Variants in SLIT3 observed in about 807,000 individuals in gnomAD.
SLIT3 encodes slit guidance ligand 3.
SLIT3 carries 68 observed loss-of-function variants against 184.0 expected under a neutral mutation model. That is an observed-to-expected ratio of 0.37 (90% CI 0.30 to 0.45). The LOEUF is 0.45. Among genes scored for constraint, SLIT3 ranks in the 20% least tolerant of loss-of-function variants. SLIT3 has a pLI of 1.00. For synonymous variants in SLIT3, 831 were observed against 828.6 expected, an observed-to-expected ratio of 1.00 and a Z score of -0.05; for missense variants, 1,707 against 2,026.0, an observed-to-expected ratio of 0.84 and a Z score of 3.02.
At chr5:168,930,845 C>A (rs757840440) in intron 4 of SLIT3, among the ~76,000 whole-genome samples, 1 of 151,982 alleles carries the variant, frequency 6.6e-6, no homozygotes, top group Non-Finnish European at 1.5e-5. Context: ...AGTCCCTTGG[C>A]CACTTTCTTG....
chr5:169,197,560 A>T (rs888998670), intron 3 of SLIT3, among the ~76,000 whole-genome samples: 7 of 152,162 alleles, frequency 4.6e-5, no homozygotes, highest in African/African-American at 1.7e-4. Context: ...TGGTACACTC[A>T]TGCCATCTGC....
At position 169,300,075 on chromosome 5, in the gene SLIT3, C is replaced by A. The variant is rs1259338498; in HGVS notation, c.197+438G>T. Among the ~76,000 whole-genome samples, 1 of 152,244 alleles carries A rather than the reference C, an allele frequency of 6.6e-6. No homozygotes were observed. Among genetic ancestry groups the A allele is most frequent in the African/African-American group, 2.4e-5 (1 of 41,472 alleles). ...GGCCCATTCTGATCTCCAAGCAGGT[C>A]AACAGTCTCGGGCCCTCTCTCCCGC... On this transcript the variant is annotated intron_variant, in intron 1 of 35. Transcript: ENST00000519560. The surrounding 1 kb of genome is among the most constrained non-coding windows in gnomAD (Gnocchi z 4.1).
intron 4 of SLIT3, among the ~76,000 whole-genome samples, chr5:169,168,595 G>T (rs2113411026): frequency 6.6e-6 from 1 of 152,324 alleles, no homozygotes; most frequent in South Asian, 2.1e-4. Flanking sequence ...AAATCAAAAA[G>T]TAGTAGGAGT....
chr5:168,691,752 G>A (rs1488434995), intron 29 of SLIT3, among the ~76,000 whole-genome samples: 2 of 152,204 alleles, frequency 1.3e-5, no homozygotes, highest in Non-Finnish European at 2.9e-5. Context: ...AGAAGAAGGA[G>A]GCAGCTGGGT....
intron 4 of SLIT3, among the ~76,000 whole-genome samples, chr5:169,127,373 G>A (rs999411048): frequency 2.0e-5 from 3 of 152,180 alleles, no homozygotes; most frequent in African/African-American, 7.2e-5. Flanking sequence ...CTAGGCCCAT[G>A]AGGCTCCACA....
At chr5:169,203,872 G>A (rs1272389560) in intron 3 of SLIT3, among the ~76,000 whole-genome samples, 1 of 152,052 alleles carries the variant, frequency 6.6e-6, no homozygotes, top group Admixed American at 6.5e-5. Context: ...GGTAGAGCAG[G>A]GGGTTGGGGG....
At chr5:168,954,012 AT>A (rs1762742897) in intron 4 of SLIT3, among the ~76,000 whole-genome samples, 1 of 149,590 alleles carries the variant, frequency 6.7e-6, no homozygotes, top group Non-Finnish European at 1.5e-5. Context: ...GAACTGAGAC[AT>A]TTTACTTCAA....
At chr5:169,048,315 A>T (rs1757694843) in intron 4 of SLIT3, among the ~76,000 whole-genome samples, 1 of 152,212 alleles carries the variant, frequency 6.6e-6, no homozygotes, top group Non-Finnish European at 1.5e-5. Flanking sequence ...CAGTGGGATG[A>T]GGTGTAAAAC....
chr5:168,940,193 C>T (rs1762287281), intron 4 of SLIT3, among the ~76,000 whole-genome samples: 1 of 152,202 alleles, frequency 6.6e-6, no homozygotes. Flanking sequence ...AACAGGTTTG[C>T]TCTGTTCAAG....
chr5:168,976,894 G>A (rs918852528), intron 4 of SLIT3, among the ~76,000 whole-genome samples: 5 of 152,178 alleles, frequency 3.3e-5, no homozygotes, highest in Non-Finnish European at 7.3e-5. Flanking sequence ...AGGCTAAAAG[G>A]ACCCGTTTCC....
chr5:168,966,078 A>C (rs1763179891), intron 4 of SLIT3, among the ~76,000 whole-genome samples: 1 of 152,218 alleles, frequency 6.6e-6, no homozygotes, highest in South Asian at 2.1e-4. Flanking sequence ...TACGATTGTG[A>C]ATTTTATTAC....
chr5:169,017,367 G>C (rs1406561934), intron 4 of SLIT3, among the ~76,000 whole-genome samples: 1 of 152,162 alleles, frequency 6.6e-6, no homozygotes, highest in Non-Finnish European at 1.5e-5. Flanking sequence ...CTCACATCAG[G>C]CACTGAAGGT....
At position 168,664,772 on chromosome 5, in the gene SLIT3, T is replaced by C; in HGVS notation, c.*1682A>G. 1 of 152,126 alleles carries C rather than the reference T, an allele frequency of 6.6e-6. No individual in the cohort carries two copies. Among genetic ancestry groups the C allele is most frequent in the East Asian group, 1.9e-4 (1 of 5,168 alleles). 9.4% of individuals were successfully genotyped at this position (152,126 alleles called of 1,614,324 possible). ...GTGTGAACAGCTGAGCCCTGGAAGATATGTGGCTAACCTGATGGGGTGGAA... is the reference window on the plus strand; with the variant it reads ...GTGTGAACAGCTGAGCCCTGGAAGACATGTGGCTAACCTGATGGGGTGGAA... On this transcript the variant is annotated 3_prime_UTR_variant, in exon 36 of 36. Coordinates refer to ENST00000519560, the MANE Select transcript of SLIT3 (RefSeq NM_003062.4).
intron 4 of SLIT3, among the ~76,000 whole-genome samples, chr5:169,102,979 T>A (rs1180271232): frequency 6.6e-6 from 1 of 152,228 alleles, no homozygotes; most frequent in African/African-American, 2.4e-5. Context: ...TCAAACTGAA[T>A]CTTCGCTAAA....
chr5:168,774,446 C>T lies in SLIT3; in HGVS notation c.1152-68G>A, dbSNP rs530827328. 6.0e-6 allele frequency: 9 copies of T among 1,500,170 alleles called. No individual in the cohort carries two copies. The East Asian group carries it at 1.4e-4, about 23-fold the overall frequency. The allele number at this position is 1,500,170 out of a possible 1,614,324, so 92.9% of individuals were successfully genotyped here. ...ATTACCTGCGGGGCAAGGGTTGCAC[C>T]TGCAGGGGATGGGCTGCAAAGCTCC... On this transcript the variant is annotated intron_variant, in intron 12 of 35. Transcript: ENST00000519560.
In SLIT3 at chr5:168,695,824, C is replaced by T. The variant is rs573857922; in HGVS notation, c.3082+468G>A. On this transcript the variant is annotated intron_variant, in intron 28 of 35. Transcript: ENST00000519560. ...TTATGTTCTCTTTCTAATGAATCCA[C>T]GCCTCTGTCCACCTGACTATAAACT... Among the ~76,000 whole-genome samples, 49 of 152,246 alleles carry T rather than the reference C, an allele frequency of 3.2e-4. 1 individual carries two copies. The highest frequency in any genetic ancestry group is 7.8e-4 in the Admixed American group (12 of 15,290).
intron 4 of SLIT3, among the ~76,000 whole-genome samples, chr5:168,984,962 A>G (rs1039780311): frequency 2.0e-5 from 3 of 152,200 alleles, no homozygotes; most frequent in Non-Finnish European, 4.4e-5. Flanking sequence ...TTGAGAAGTA[A>G]TGATCCAGAA....
chr5:169,252,901 A>G (rs1765826176), intron 1 of SLIT3, among the ~76,000 whole-genome samples: 1 of 152,212 alleles, frequency 6.6e-6, no homozygotes, highest in South Asian at 2.1e-4. Context: ...ATCTCCTGGT[A>G]TCAGACATAA....
chr5:169,015,738 A>AC (rs978997907), intron 4 of SLIT3, among the ~76,000 whole-genome samples: 4 of 151,958 alleles, frequency 2.6e-5, no homozygotes, highest in African/African-American at 9.7e-5. Context: ...ACATAGTGAG[A>AC]CCCTGTCTGT....
Sources: allele counts gnomAD v4.1 joint callset (sites outside exome capture counted in the v4.1 genomes callset), GRCh38; gene constraint gnomAD v4.1.1; non-coding constraint Gnocchi (gnomAD v3.1); transcripts MANE v1.5; gene names NCBI Gene and HGNC (gene_info 2026-07-23, HGNC 2026-07-21).